The following DNAH17 variants were observed in gnomAD, a reference collection of about 807,000 sequenced individuals.
DNAH17 encodes the protein axonemal beta dynein heavy chain 17.
DNAH17 carries 376 observed loss-of-function variants against 485.6 expected under a neutral mutation model. That is an observed-to-expected ratio of 0.77 (90% CI 0.71 to 0.84). The LOEUF is 0.84. DNAH17 is among the 40% of genes least tolerant of loss of function. The pLI is 0.00. For missense variants in DNAH17, 6,370 were observed against 5,839.3 expected (o/e 1.09, Z -2.96); for synonymous variants, 3,031 against 2,405.9 (o/e 1.26, Z -7.60).
rs565698132 is a variant in DNAH17 at position 78,548,394 on chromosome 17, C to T, written c.2391+3141G>A. 3.4e-4 allele frequency among the ~76,000 whole-genome samples: 51 copies of T among 152,084 alleles called. No individual in the cohort carries two copies. The South Asian group carries it at 0.01, about 30-fold the overall frequency. On this transcript the variant is annotated intron_variant, in intron 16 of 80. Transcript: ENST00000389840. ...TAATTTTTTGTATTTTTAGTAGAGA[C>T]GGAGTTTCACCGTGTTAGCCAGGAT...
At chr17:78,500,871 C>T (rs752278951) in intron 35 of DNAH17, 3 of 259,346 alleles carry the variant, frequency 1.2e-5, no homozygotes, top group Non-Finnish European at 2.2e-5. Context: ...AGAGGCAGCC[C>T]AGGTGCCTTT....
At chr17:78,449,922 C>T (rs925941770) in intron 68 of DNAH17, 33 of 436,688 alleles carry the variant, frequency 7.6e-5, no homozygotes, top group Middle Eastern at 6.5e-4. Flanking sequence ...GTGATCCACC[C>T]GCCTCGGCCC....
At chr17:78,501,455 C>A (rs1395935852) in intron 34 of DNAH17, 111 bp from the exon 35 acceptor site, 1 of 1,343,514 alleles carries the variant, frequency 7.4e-7, no homozygotes, top group Non-Finnish European at 9.9e-7. Flanking sequence ...GGGAACCCTC[C>A]CTGGCCCTCT....
intron 48 of DNAH17, among the ~76,000 whole-genome samples, chr17:78,483,329 G>T (rs1398414592): frequency 1.3e-5 from 2 of 152,170 alleles, no homozygotes; most frequent in African/African-American, 4.8e-5. Flanking sequence ...AGACATATCT[G>T]AACTCAAAAT....
chr17:78,437,516 G>A, intron 74 of DNAH17, 125 bp downstream of exon 74: 1 of 640,066 alleles, frequency 1.6e-6, no homozygotes, highest in Non-Finnish European at 2.7e-6. Flanking sequence ...GTGTGGACAG[G>A]GGAAGCCCAG....
intron 44 of DNAH17, among the ~76,000 whole-genome samples, chr17:78,488,454 C>A (rs1862378991): frequency 6.6e-6 from 1 of 152,174 alleles, no homozygotes; most frequent in South Asian, 2.1e-4. Flanking sequence ...TGCCTTGGCC[C>A]ACGCTGCCTT....
At chr17:78,448,167 C>T (rs915732397) in intron 69 of DNAH17, among the ~76,000 whole-genome samples, 4 of 150,588 alleles carry the variant, frequency 2.7e-5, no homozygotes, top group Admixed American at 1.3e-4. Context: ...AGGAAAACTC[C>T]GTCTAAAAAA....
At chr17:78,520,379 G>A (rs985440283) in intron 25 of DNAH17, among the ~76,000 whole-genome samples, 4 of 152,108 alleles carry the variant, frequency 2.6e-5, no homozygotes, top group Admixed American at 2.0e-4. Flanking sequence ...CTGCAATAAG[G>A]CAAGAAAGAG....
At chr17:78,474,509 T>G (rs565063004) in intron 54 of DNAH17, among the ~76,000 whole-genome samples, 7 of 152,374 alleles carry the variant, frequency 4.6e-5, no homozygotes, top group Admixed American at 4.6e-4. Context: ...ATCTCAGGCA[T>G]GCAGTTAGAC....
At chr17:78,576,159 A>G (rs2092429759) in intron 1 of DNAH17, among the ~76,000 whole-genome samples, 1 of 152,156 alleles carries the variant, frequency 6.6e-6, no homozygotes, top group Admixed American at 6.5e-5. Flanking sequence ...AGCACTCACA[A>G]ATTCTGCCTT....
In DNAH17 at chr17:78,459,845, G is replaced by A. The variant is rs527324078; in HGVS notation, c.9592C>T (p.Leu3198=). 10 of 1,614,024 alleles carry A rather than the reference G, an allele frequency of 6.2e-6. No individual in the cohort carries two copies. In the East Asian group the frequency reaches 8.9e-5, roughly 14 times the overall value. ...KIMMGKVDTF[L]DSLKKFDKEH... ...TTGTCGAACTTCTTCAGGGAGTCTA[G>A]GAAGGTGTCCACCTTGCCCATCATG... Residue 3198 remains leucine (L), a synonymous_variant, in exon 60 of 81, where the codon CTA becomes TTA. Transcript: ENST00000389840.
chr17:78,532,831 T>C, intron 19 of DNAH17, 95 bp from the exon 20 acceptor site: 1 of 1,364,262 alleles, frequency 7.3e-7, no homozygotes, highest in Non-Finnish European at 9.7e-7. Flanking sequence ...GGTTCTCTGT[T>C]GGCGAAAGGG....
intron 69 of DNAH17, among the ~76,000 whole-genome samples, chr17:78,447,633 C>A (rs2087364669): frequency 6.6e-6 from 1 of 152,162 alleles, no homozygotes; most frequent in Non-Finnish European, 1.5e-5. Context: ...GCTTTCTACC[C>A]TGGAAAATTA....
chr17:78,477,868 CCATCACCACCACCATCGCTAT>C (rs1398836481), intron 51 of DNAH17, among the ~76,000 whole-genome samples: 4 of 152,024 alleles, frequency 2.6e-5, no homozygotes, highest in East Asian at 1.9e-4. Flanking sequence ...AATATTATTA[CCATCACCACCACCATCGCTAT>C]CATCACCACC....
chr17:78,535,604 G>A (rs1001674559), intron 19 of DNAH17, among the ~76,000 whole-genome samples: 6 of 152,126 alleles, frequency 3.9e-5, no homozygotes, highest in African/African-American at 7.2e-5. Flanking sequence ...TATATGTTAT[G>A]ACAAATCATA....
intron 55 of DNAH17, among the ~76,000 whole-genome samples, chr17:78,467,062 C>CT (rs1398354218): frequency 1.3e-5 from 2 of 152,208 alleles, no homozygotes; most frequent in Non-Finnish European, 2.9e-5. Flanking sequence ...CCTTGCCTCT[C>CT]TAAAAAAGGC....
chr17:78,474,967 T>TGC (rs879602531), intron 54 of DNAH17, among the ~76,000 whole-genome samples: 20,900 of 114,566 alleles, frequency 0.18, 2,242 homozygotes, highest in African/African-American at 0.39. Context: ...CTCAGTCACA[T>TGC]GGGCTGGAAG....
chr17:78,474,154 T>A (rs769353449), intron 54 of DNAH17, among the ~76,000 whole-genome samples: 12 of 152,188 alleles, frequency 7.9e-5, no homozygotes, highest in Non-Finnish European at 1.6e-4. Context: ...CCAGCATCAC[T>A]GGCTCCAGGT....
rs770009988 is a variant in DNAH17, at chr17:78,571,358, G to A, written c.753C>T (p.Asn251=). The A allele has an allele frequency of 8.7e-6, 14 of 1,613,654 alleles. No individual in the cohort carries two copies. Among genetic ancestry groups the A allele is most frequent in the Non-Finnish European group, 1.1e-5 (13 of 1,179,740 alleles). The part of the protein sequence containing the change: ...IHEQLNRPKV[N]KIVEILEKAK... ...CTTTCTCTAGGATCTCAACAATCTT[G>A]TTCACTTTGGGTCTGTTTAGCTGAG... The change falls in exon 5 of 81, where the codon AAC becomes AAT. Residue 251 remains asparagine, a synonymous_variant. Coordinates refer to ENST00000389840, the MANE Select transcript of DNAH17 (RefSeq NM_173628.4).
Sources: gnomAD v4.1 joint callset for allele counts (sites outside exome capture counted in the v4.1 genomes callset) on GRCh38, gnomAD v4.1.1 for gene constraint, MANE v1.5 for transcripts, NCBI Gene and HGNC (gene_info 2026-07-23, HGNC 2026-07-21) for gene names.